The following ZC3H18 variants were observed in gnomAD, a reference collection of about 807,000 sequenced individuals.
The protein encoded by ZC3H18 is zinc finger CCCH domain-containing protein 18.
In ZC3H18, 8 loss-of-function variants were observed where a neutral mutation model predicts 106.1. The observed-to-expected ratio is 0.08, with a 90% CI of 0.04 to 0.14. The LOEUF is 0.14. Ranked by LOEUF, ZC3H18 falls within the 10% of genes least tolerant of loss-of-function variation. The pLI, the probability that ZC3H18 is intolerant of heterozygous loss-of-function variation, is 1.00. For synonymous variants in ZC3H18, 635 were observed against 522.1 expected, an observed-to-expected ratio of 1.22 and a Z score of -2.95; for missense variants, 1,318 against 1,278.4, an observed-to-expected ratio of 1.03 and a Z score of -0.47.
intron 9 of ZC3H18, chr16:88,622,704 G>C (rs1353632874): frequency 8.3e-6 from 3 of 362,542 alleles, no homozygotes; most frequent in African/African-American, 6.3e-5. Flanking sequence ...CTGGGGCCCA[G>C]TGAGTCCATC....
In ZC3H18 at chr16:88,631,511, C is replaced by T; in HGVS notation, c.*212C>T. The T allele has an allele frequency of 1.5e-6, 1 of 685,594 alleles. No individual in the cohort carries two copies. Among genetic ancestry groups the T allele is most frequent in the Non-Finnish European group, 2.6e-6 (1 of 388,642 alleles). 42.5% of individuals were successfully genotyped at this position (685,594 alleles called of 1,614,324 possible). A position where few individuals can be genotyped will look rare whatever the true frequency, so the allele number is the denominator to read the frequency against. ...CAGAGCAGAAGTCCCGCAGGACAGA[C>T]AGACACAGACAGCGCTAGTGACCAG... On this transcript the variant is annotated 3_prime_UTR_variant, in exon 18 of 18. Coordinates refer to ENST00000301011, the MANE Select transcript of ZC3H18 (RefSeq NM_144604.4).
intron 2 of ZC3H18, among the ~76,000 whole-genome samples, chr16:88,578,611 G>C (rs991371323): frequency 6.6e-6 from 1 of 152,084 alleles, no homozygotes; most frequent in Non-Finnish European, 1.5e-5. Context: ...TCTGCCGAGA[G>C]TATCTCTCTG....
At position 88,631,345 on chromosome 16, in the gene ZC3H18, C is replaced by T. The variant is rs1037965840; in HGVS notation, c.*46C>T. On this transcript the variant is annotated 3_prime_UTR_variant, in exon 18 of 18. Coordinates refer to ENST00000301011, the MANE Select transcript of ZC3H18 (RefSeq NM_144604.4). ...GACGCATTTTTATACATAGGGTAAG[C>T]GCAGCCATTTTGGATTTTGCAGTTA... The T allele has an allele frequency of 1.5e-5, 23 of 1,549,368 alleles. No homozygotes were observed. The highest frequency in any genetic ancestry group is 4.1e-5 in the African/African-American group (3 of 73,102).
At chr16:88,573,204 C>T (rs978667079) in intron 1 of ZC3H18, among the ~76,000 whole-genome samples, 3 of 152,080 alleles carry the variant, frequency 2.0e-5, no homozygotes, top group South Asian at 4.1e-4. Flanking sequence ...CTGGGTTCAG[C>T]TTGGGGCATC....
chr16:88,630,177 C>T (rs1021329606), intron 16 of ZC3H18: 1 of 337,142 alleles, frequency 3.0e-6, no homozygotes, highest in Middle Eastern at 8.6e-4. Flanking sequence ...TCTTGTTGTT[C>T]CGTATTTGAA....
chr16:88,627,598 G>A lies in ZC3H18; in HGVS notation c.2109-24G>A, dbSNP rs778348643. The A allele has an allele frequency of 2.5e-5, 40 of 1,585,550 alleles. No individual in the cohort carries two copies. In the South Asian group the frequency reaches 4.5e-4, roughly 18 times the overall value. On this transcript the variant is annotated intron_variant, in intron 13 of 17. Coordinates refer to ENST00000301011, the MANE Select transcript of ZC3H18 (RefSeq NM_144604.4). The surrounding 1 kb of genome is among the most constrained non-coding windows in gnomAD (Gnocchi z 4.5). ...CCTCCCTCCAGTCTGGCTGGGGTGTGGTGAGATGTGCTTGTGTGTCCAGGT... is the reference window on the plus strand; with the variant it reads ...CCTCCCTCCAGTCTGGCTGGGGTGTAGTGAGATGTGCTTGTGTGTCCAGGT...
chr16:88,573,294 A>C (rs894262683), intron 1 of ZC3H18, among the ~76,000 whole-genome samples: 1 of 152,034 alleles, frequency 6.6e-6, no homozygotes, highest in Non-Finnish European at 1.5e-5. Context: ...ATGTTTATAC[A>C]TTGTAATAAA....
At chr16:88,624,289 CAGCCCTGGGGACACGGCAGCAGCCGG>C in intron 11 of ZC3H18, 1 of 682,262 alleles carries the variant, frequency 1.5e-6, no homozygotes, top group South Asian at 1.9e-5. Flanking sequence ...GGACAGAGCA[CAGCCCTGGGGACACGGCAGCAGCCGG>C]GTGTTCTTAA....
chr16:88,628,906 T>G (rs1906490410), intron 16 of ZC3H18, 52 bp downstream of exon 16: 4 of 1,601,218 alleles, frequency 2.5e-6, no homozygotes, highest in Non-Finnish European at 3.4e-6. Context: ...AGCCTGGGGA[T>G]GCGGAGCAGC....
intron 1 of ZC3H18, among the ~76,000 whole-genome samples, chr16:88,575,725 T>G (rs963218586): frequency 6.6e-6 from 1 of 152,014 alleles, no homozygotes; most frequent in African/African-American, 2.4e-5. Flanking sequence ...TTTTTTGAGT[T>G]TTTTTTGGAG....
chr16:88,590,045 A>G (rs909061505), intron 3 of ZC3H18, among the ~76,000 whole-genome samples: 3 of 152,176 alleles, frequency 2.0e-5, no homozygotes, highest in Admixed American at 6.5e-5. Context: ...CACTTTGGGA[A>G]GCTGAATGGG....
chr16:88,605,687 T>G (rs1282879759), intron 6 of ZC3H18, among the ~76,000 whole-genome samples: 2 of 152,256 alleles, frequency 1.3e-5, no homozygotes, highest in African/African-American at 4.8e-5. Context: ...TTTAGAACTT[T>G]TTCCTAGTAC....
chr16:88,609,885 G>A (rs776018762), intron 7 of ZC3H18, among the ~76,000 whole-genome samples: 3 of 152,184 alleles, frequency 2.0e-5, no homozygotes, highest in Non-Finnish European at 4.4e-5. Flanking sequence ...ACAGGCATAA[G>A]TCACTGTGCC....
At chr16:88,619,359 T>C (rs1334926099) in intron 8 of ZC3H18, among the ~76,000 whole-genome samples, 1 of 152,196 alleles carries the variant, frequency 6.6e-6, no homozygotes, top group Non-Finnish European at 1.5e-5. Flanking sequence ...AACATGGACT[T>C]GCTGGATAGG....
At position 88,603,256 on chromosome 16, in the gene ZC3H18, G is replaced by A. The variant is rs145547078; in HGVS notation, c.1088+3308G>A. Among the ~76,000 whole-genome samples, 482 of 151,428 alleles carry A rather than the reference G, an allele frequency of 3.2e-3. 2 individuals are homozygous for A. The highest frequency in any genetic ancestry group is 0.011 in the African/African-American group (437 of 41,356). On this transcript the variant is annotated intron_variant, in intron 6 of 17. Transcript: ENST00000301011. ...GCTGGGATGACAGGCGTGAGCCACCGCACCTGGCCTGTTTTTTCTTTATAT... is the reference window on the plus strand; with the variant it reads ...GCTGGGATGACAGGCGTGAGCCACCACACCTGGCCTGTTTTTTCTTTATAT...
intron 4 of ZC3H18, 71 bp from the exon 5 acceptor site, chr16:88,598,549 T>G: frequency 6.6e-7 from 1 of 1,512,436 alleles, no homozygotes; most frequent in South Asian, 1.2e-5. Flanking sequence ...AGTTGATGTT[T>G]TTACTGTCTG....
chr16:88,618,918 A>G (rs1040059753), intron 8 of ZC3H18, among the ~76,000 whole-genome samples: 4 of 151,200 alleles, frequency 2.6e-5, no homozygotes, highest in African/African-American at 9.7e-5. Context: ...GCAGGCCCCT[A>G]CTTGTGAAGG....
chr16:88,586,002 G>T (rs1458441435), intron 2 of ZC3H18, among the ~76,000 whole-genome samples: 2 of 152,116 alleles, frequency 1.3e-5, no homozygotes, highest in African/African-American at 4.8e-5. Flanking sequence ...ACAGTGGGTG[G>T]CTTGGGGAGA....
intron 6 of ZC3H18, among the ~76,000 whole-genome samples, chr16:88,608,120 A>G (rs1217293856): frequency 6.6e-6 from 1 of 151,992 alleles, no homozygotes; most frequent in East Asian, 1.9e-4. Context: ...TTTTTCATGT[A>G]TAGTATCATA....
Sources: allele counts gnomAD v4.1 joint callset (sites outside exome capture counted in the v4.1 genomes callset), GRCh38; gene constraint gnomAD v4.1.1; non-coding constraint Gnocchi (gnomAD v3.1); transcripts MANE v1.5; gene names NCBI Gene and HGNC (gene_info 2026-07-23, HGNC 2026-07-21).